Variants in YES1 observed in about 807,000 individuals in gnomAD.
YES1 encodes tyrosine-protein kinase Yes.
YES1 carries 39 observed loss-of-function variants against 70.4 expected under a neutral mutation model. The observed-to-expected ratio is 0.55, with a 90% CI of 0.43 to 0.72. The LOEUF is 0.72. Among genes scored for constraint, YES1 ranks in the 30% least tolerant of loss-of-function variants. YES1 has a pLI of 0.00. For missense variants in YES1, 495 were observed against 644.8 expected, an observed-to-expected ratio of 0.77 and a Z score of 2.52; for synonymous variants, 198 against 218.6, an observed-to-expected ratio of 0.91 and a Z score of 0.83.
In YES1 at chr18:751,811, G is replaced by C; in HGVS notation, c.272-7C>G. ...ACAAATATAGTAACACCACCTATCA[G>C]AGGGAAAAAAGACCAAGGTAAATTA... On this transcript the variant is annotated splice_region_variant and splice_polypyrimidine_tract_variant and intron_variant, in intron 2 of 11. Coordinates refer to ENST00000314574, the MANE Select transcript of YES1 (RefSeq NM_005433.4). The C allele has an allele frequency of 6.6e-7, 1 of 1,525,750 alleles. No individual in the cohort carries two copies. The highest frequency in any genetic ancestry group is 2.3e-5 in the East Asian group (1 of 43,974). 94.5% of individuals were successfully genotyped at this position (1,525,750 alleles called of 1,614,324 possible).
At chr18:800,143 CAA>C (rs897367983) in intron 1 of YES1, among the ~76,000 whole-genome samples, 27 of 152,324 alleles carry the variant, frequency 1.8e-4, no homozygotes, top group South Asian at 1.2e-3. Flanking sequence ...TCTGCCACTT[CAA>C]AGAGTCTTGA....
rs2079991998 is a variant in YES1 at position 724,280 on chromosome 18, T to C, written c.*144A>G. 2.5e-6 allele frequency: 2 copies of C among 814,044 alleles called. No individual in the cohort carries two copies. Among genetic ancestry groups the C allele is most frequent in the Admixed American group, 2.9e-5 (1 of 34,384 alleles). The allele number at this position is 814,044 out of a possible 1,614,324, so 50.4% of individuals were successfully genotyped here. ...TTAATACTTGGGGAAAAAAAAGTGG[T>C]TTTGTGCAACCATATCTGGGATTCC... On this transcript the variant is annotated 3_prime_UTR_variant, in exon 12 of 12. Coordinates refer to ENST00000314574, the MANE Select transcript of YES1 (RefSeq NM_005433.4).
chr18:729,382 T>C (rs1288233181), intron 11 of YES1, among the ~76,000 whole-genome samples: 1 of 151,778 alleles, frequency 6.6e-6, no homozygotes, highest in Non-Finnish European at 1.5e-5. Flanking sequence ...GCCACTGTAC[T>C]CCAGCCTGGG....
chr18:734,681 A>G (rs1248903409), intron 10 of YES1, among the ~76,000 whole-genome samples: 1 of 151,806 alleles, frequency 6.6e-6, no homozygotes, highest in African/African-American at 2.4e-5. Flanking sequence ...GCCATAATGA[A>G]TAAGTAAAAA....
At chr18:745,581 G>C (rs2080269627) in intron 6 of YES1, 127 bp downstream of exon 6, 2 of 898,434 alleles carry the variant, frequency 2.2e-6, no homozygotes, top group African/African-American at 1.7e-5. Flanking sequence ...GAATACAACA[G>C]ACATTTATTG....
intron 1 of YES1, among the ~76,000 whole-genome samples, chr18:791,356 C>G (rs1906240376): frequency 6.6e-6 from 1 of 151,918 alleles, no homozygotes; most frequent in African/African-American, 2.4e-5. Context: ...AGAATAGTAA[C>G]AGATAACATT....
intron 10 of YES1, among the ~76,000 whole-genome samples, chr18:734,766 G>A (rs1406315721): frequency 6.6e-6 from 1 of 151,906 alleles, no homozygotes; most frequent in Non-Finnish European, 1.5e-5. Context: ...ATGTAAATTA[G>A]TACAACCACT....
At chr18:763,181 C>A (rs569371016) in intron 1 of YES1, among the ~76,000 whole-genome samples, 1 of 152,172 alleles carries the variant, frequency 6.6e-6, no homozygotes, top group Admixed American at 6.5e-5. Context: ...GTAGGACAGG[C>A]AGCTAGAGGA....
intron 1 of YES1, among the ~76,000 whole-genome samples, chr18:769,250 G>GT (rs1199439997): frequency 1.3e-5 from 2 of 152,106 alleles, no homozygotes; most frequent in African/African-American, 2.4e-5. Context: ...ACGTGCGACC[G>GT]TAAGTAAATC....
chr18:783,173 C>T (rs967776638), intron 1 of YES1, among the ~76,000 whole-genome samples: 4 of 152,058 alleles, frequency 2.6e-5, no homozygotes, highest in African/African-American at 9.7e-5. Flanking sequence ...CACTTGAGCC[C>T]AGGAATTTGA....
At chr18:727,899 G>A (rs1196646300) in intron 11 of YES1, among the ~76,000 whole-genome samples, 2 of 152,080 alleles carry the variant, frequency 1.3e-5, no homozygotes, top group Admixed American at 6.6e-5. Context: ...TTGTTCCTGC[G>A]TAGATAATAT....
At chr18:765,248 C>CTATATATATATATATATA (rs71174288) in intron 1 of YES1, among the ~76,000 whole-genome samples, 3 of 91,518 alleles carry the variant, frequency 3.3e-5, no homozygotes, top group Non-Finnish European at 6.7e-5. Context: ...AGAGTTACAA[C>CTATATATATATATATATA]TATATATATA....
intron 1 of YES1, among the ~76,000 whole-genome samples, chr18:757,681 G>A (rs1904364478): frequency 6.6e-6 from 1 of 151,760 alleles, no homozygotes; most frequent in African/African-American, 2.4e-5. Context: ...AATTAGCTGG[G>A]CGTGGTGGTG....
At chr18:725,567 T>G (rs188593937) in intron 11 of YES1, among the ~76,000 whole-genome samples, 1 of 152,308 alleles carries the variant, frequency 6.6e-6, no homozygotes, top group East Asian at 1.9e-4. Flanking sequence ...TTCTGAGCTT[T>G]TCATCTAACT....
rs1309155979 is a variant in YES1 at position 746,188 on chromosome 18, T to C, written c.471-137A>G. 4 of 636,188 alleles carry C rather than the reference T, an allele frequency of 6.3e-6. No individual in the cohort carries two copies. In the East Asian group the frequency reaches 1.1e-4, roughly 17 times the overall value. 39.4% of individuals were successfully genotyped at this position (636,188 alleles called of 1,614,324 possible). On this transcript the variant is annotated intron_variant, in intron 4 of 11. Transcript: ENST00000314574. ...GAACATGGCTCAAAATACAGGAAAA[T>C]GTAAGAGTTTTATTGATTAAATAGT...
Position 742,897 on chromosome 18 carries a change from TA to T in YES1, c.1060+20del. The T allele has an allele frequency of 6.5e-7, 1 of 1,548,578 alleles. No homozygotes were observed. Among genetic ancestry groups the T allele is most frequent in the East Asian group, 2.3e-5 (1 of 44,366 alleles). On this transcript the variant is annotated intron_variant, in intron 8 of 11. Coordinates refer to ENST00000314574, the MANE Select transcript of YES1 (RefSeq NM_005433.4). ...TAAAAACATTATCAACACAAATACC[TA>T]AGGAGATACTAATACATACCTTTTG...
intron 1 of YES1, among the ~76,000 whole-genome samples, chr18:786,772 A>G (rs1000345105): frequency 2.6e-5 from 4 of 152,264 alleles, no homozygotes; most frequent in Admixed American, 6.5e-5. Context: ...TCCAAGGACC[A>G]TATCTCTACC....
chr18:763,230 T>C (rs1304632326), intron 1 of YES1, among the ~76,000 whole-genome samples: 4 of 152,348 alleles, frequency 2.6e-5, no homozygotes, highest in Non-Finnish European at 5.9e-5. Flanking sequence ...CAATAACTTT[T>C]AGACTTTCTC....
intron 3 of YES1, among the ~76,000 whole-genome samples, chr18:748,599 T>A (rs2080307137): frequency 6.6e-6 from 1 of 152,192 alleles, no homozygotes; most frequent in Non-Finnish European, 1.5e-5. Context: ...TCTATGGATA[T>A]GCCCACTGCA....
Sources: gnomAD v4.1 joint callset for allele counts (sites outside exome capture counted in the v4.1 genomes callset) on GRCh38, gnomAD v4.1.1 for gene constraint, MANE v1.5 for transcripts, NCBI Gene and HGNC (gene_info 2026-07-23, HGNC 2026-07-21) for gene names.